The following ITGA4 variants were observed in gnomAD, a reference collection of about 807,000 sequenced individuals.
The protein encoded by ITGA4 is integrin subunit alpha 4.
In ITGA4, 63 loss-of-function variants were observed where a neutral mutation model predicts 133.6. That is an observed-to-expected ratio of 0.47 (90% CI 0.38 to 0.58). The LOEUF is 0.58. Among genes scored for constraint, ITGA4 ranks in the 20% least tolerant of loss-of-function variants. The pLI is 0.00. For missense variants in ITGA4, 1,076 were observed against 1,252.7 expected, an observed-to-expected ratio of 0.86 and a Z score of 2.13; for synonymous variants, 483 against 438.0, an observed-to-expected ratio of 1.10 and a Z score of -1.28.
chr2:181,522,160 C>T (rs749401264), intron 17 of ITGA4, 31 bp from the exon 18 acceptor site: 3 of 1,377,546 alleles, frequency 2.2e-6, no homozygotes, highest in Middle Eastern at 3.7e-4. Flanking sequence ...ATTTCCTAAA[C>T]AAGAACTAAA....
At chr2:181,461,090 A>G (rs1246710302) in intron 2 of ITGA4, among the ~76,000 whole-genome samples, 1 of 151,322 alleles carries the variant, frequency 6.6e-6, no homozygotes, top group Non-Finnish European at 1.5e-5. Context: ...TGATTCAGAT[A>G]GACTCCTCCC....
At chr2:181,474,353 T>C (rs963372043) in intron 2 of ITGA4, among the ~76,000 whole-genome samples, 2 of 152,342 alleles carry the variant, frequency 1.3e-5, no homozygotes, top group Middle Eastern at 3.4e-3. Flanking sequence ...GATAATCTGG[T>C]TTCCAAATCA....
chr2:181,486,578 A>G (rs1444534804), intron 10 of ITGA4, among the ~76,000 whole-genome samples: 3 of 152,172 alleles, frequency 2.0e-5, no homozygotes, highest in Non-Finnish European at 4.4e-5. Context: ...TTACCCACTG[A>G]TATTGACGTT....
At chr2:181,520,217 T>C (rs573791101) in intron 17 of ITGA4, among the ~76,000 whole-genome samples, 1 of 152,236 alleles carries the variant, frequency 6.6e-6, no homozygotes, top group Non-Finnish European at 1.5e-5. Flanking sequence ...TGAGAATTAT[T>C]GACGTCCAAG....
rs992142489 is a variant in ITGA4, at chr2:181,495,683, G to C, written c.1386-100G>C. ...TATGTACACACATAATAAGACTCATGAAATTACTTGGTGAATGTAAACTGA... is the reference window on the plus strand; with the variant it reads ...TATGTACACACATAATAAGACTCATCAAATTACTTGGTGAATGTAAACTGA... On this transcript the variant is annotated intron_variant, in intron 13 of 27. Coordinates refer to ENST00000397033, the MANE Select transcript of ITGA4 (RefSeq NM_000885.6). The surrounding 1 kb of genome is among the most constrained non-coding windows in gnomAD (Gnocchi z 4.3). 1.9e-6 allele frequency: 2 copies of C among 1,035,570 alleles called. No homozygotes were observed. The allele number at this position is 1,035,570 out of a possible 1,614,324, so 64.1% of individuals were successfully genotyped here.
chr2:181,535,687 G>A lies in ITGA4; in HGVS notation c.*160G>A, dbSNP rs143265335. ...CATGCAAGGGGAAAATCTCAGCAAT[G>A]ATTACTCTTTGAGATAGAAGAACTG... On this transcript the variant is annotated 3_prime_UTR_variant, in exon 28 of 28. Coordinates refer to ENST00000397033, the MANE Select transcript of ITGA4 (RefSeq NM_000885.6). 84 of 861,786 alleles carry A rather than the reference G, an allele frequency of 9.7e-5. No individual in the cohort carries two copies. In the African/African-American group the frequency reaches 1.4e-3, roughly 14 times the overall value. The allele number at this position is 861,786 out of a possible 1,614,324, so 53.4% of individuals were successfully genotyped here.
intron 15 of ITGA4, 105 bp downstream of exon 15, chr2:181,498,882 C>T (rs1260077340): frequency 7.0e-7 from 1 of 1,429,528 alleles, no homozygotes; most frequent in African/African-American, 1.5e-5. Flanking sequence ...ATAAAAGCAA[C>T]TGTTACCCCT....
chr2:181,535,287 A>G (rs937145920), intron 27 of ITGA4, 145 bp from the exon 28 acceptor site: 1 of 636,500 alleles, frequency 1.6e-6, no homozygotes, highest in African/African-American at 1.9e-5. Context: ...TTTACTGATT[A>G]CCTCTGTTAA....
At chr2:181,485,388 T>A (rs1685892348) in intron 9 of ITGA4, among the ~76,000 whole-genome samples, 1 of 142,774 alleles carries the variant, frequency 7.0e-6, no homozygotes, top group Non-Finnish European at 1.5e-5. Context: ...ATGAAATGTC[T>A]TCTGTTATAA....
chr2:181,524,489 CA>C (rs1686793245), intron 20 of ITGA4: 4 of 376,260 alleles, frequency 1.1e-5, no homozygotes, highest in Admixed American at 4.6e-5. Context: ...TGTCACGAAT[CA>C]AACTGTGTAT....
chr2:181,524,130 A>C (rs760410403), intron 19 of ITGA4, 41 bp from the exon 20 acceptor site: 4 of 1,304,824 alleles, frequency 3.1e-6, no homozygotes, highest in Non-Finnish European at 4.3e-6. Context: ...AAATGTACTT[A>C]AGATTTTTTT....
chr2:181,537,603 A>G lies in ITGA4; in HGVS notation c.*2076A>G, dbSNP rs1030461615. On this transcript the variant is annotated 3_prime_UTR_variant, in exon 28 of 28. Coordinates refer to ENST00000397033, the MANE Select transcript of ITGA4 (RefSeq NM_000885.6). Reference sequence around the variant, plus strand: ...ATCTGTATTATATTTGTAACAGAATATAGGAAATTTAACATAATTGATGAG... The same window carrying G: ...ATCTGTATTATATTTGTAACAGAATGTAGGAAATTTAACATAATTGATGAG... 9.3e-6 allele frequency: 4 copies of G among 430,518 alleles called. No individual in the cohort carries two copies. The highest frequency in any genetic ancestry group is 1.8e-5 in the Non-Finnish European group (4 of 219,122). The allele number at this position is 430,518 out of a possible 1,614,324, so 26.7% of individuals were successfully genotyped here.
chr2:181,468,919 A>G lies in ITGA4; in HGVS notation c.320-6041A>G, dbSNP rs566613253. 1.7e-4 allele frequency among the ~76,000 whole-genome samples: 26 copies of G among 152,300 alleles called. 1 individual carries two copies. In the South Asian group the frequency reaches 4.8e-3, roughly 28 times the overall value. ...TTGTTTAAAAGCAGGGAAAATTATC[A>G]CCATGTTAATTTCTGCTGACCTCTT... On this transcript the variant is annotated intron_variant, in intron 2 of 27. Transcript: ENST00000397033.
chr2:181,511,757 C>A lies in ITGA4; in HGVS notation c.1904C>A (p.Ala635Glu). ...TGTTCTGCTGATTTACAGGTTTCTG[C>A]AAAGATTGGGTTTTTGAAGTAAGTA... ...ENCSADLQVS[A>E]KIGFLKPHEN... The change falls in exon 17 of 28, where the codon GCA (alanine) becomes GAA (glutamate). Residue 635 changes from alanine (A) to glutamate (E), a missense_variant. Around this residue, in one of 4 missense-constraint regions of ITGA4, gnomAD observed 365 missense variants for 421.4 expected, o/e 0.87. Transcript: ENST00000397033. The A allele has an allele frequency of 6.3e-7, 1 of 1,582,736 alleles. No homozygotes were observed. The highest frequency in any genetic ancestry group is 8.7e-7 in the Non-Finnish European group (1 of 1,152,110).
At chr2:181,488,845 A>C (rs781595277) in intron 10 of ITGA4, among the ~76,000 whole-genome samples, 3 of 152,194 alleles carry the variant, frequency 2.0e-5, no homozygotes, top group Non-Finnish European at 4.4e-5. Context: ...GGCATGAGCC[A>C]CTGCACCCAG....
chr2:181,480,004 T>C, intron 5 of ITGA4, 133 bp from the exon 6 acceptor site: 2 of 553,676 alleles, frequency 3.6e-6, no homozygotes, highest in Non-Finnish European at 5.6e-6. Context: ...TAGTATGTTT[T>C]AACTTCACAG....
chr2:181,535,139 G>A (rs1009068314), intron 27 of ITGA4, among the ~76,000 whole-genome samples: 6 of 151,996 alleles, frequency 3.9e-5, no homozygotes, highest in Non-Finnish European at 7.4e-5. Context: ...AAAGACAGAC[G>A]TTCCTTTTAA....
At position 181,522,449 on chromosome 2, in the gene ITGA4, T is replaced by C. The variant is rs938902759; in HGVS notation, c.2073+108T>C. 2.9e-5 allele frequency: 21 copies of C among 716,282 alleles called. No homozygotes were observed. The African/African-American group carries it at 3.6e-4, about 12-fold the overall frequency. The allele number at this position is 716,282 out of a possible 1,614,324, so 44.4% of individuals were successfully genotyped here. On this transcript the variant is annotated intron_variant, in intron 18 of 27. Transcript: ENST00000397033. ...CTGATTTGGGGTATAAGTCTTAATA[T>C]TTAGGCTCCTAGTTATTTTCAGACT...
chr2:181,497,972 A>G (rs1444161690), intron 14 of ITGA4, among the ~76,000 whole-genome samples: 1 of 151,846 alleles, frequency 6.6e-6, no homozygotes, highest in African/African-American at 2.4e-5. Context: ...TAGAATATTT[A>G]TTGAGAGAAT....
Sources: gnomAD v4.1 joint callset for allele counts (sites outside exome capture counted in the v4.1 genomes callset) on GRCh38, gnomAD v4.1.1 for gene constraint, gnomAD v4.1.1 regional missense constraint, Gnocchi (gnomAD v3.1) non-coding constraint, MANE v1.5 for transcripts, NCBI Gene and HGNC (gene_info 2026-07-23, HGNC 2026-07-21) for gene names.